LPL: variants seen among roughly 807,000 people sequenced by gnomAD.
LPL encodes the protein phospholipase A1.
A neutral mutation model predicts 52.2 loss-of-function variants in LPL; 43 were observed. The observed-to-expected ratio is 0.82, with a 90% confidence interval of 0.64 to 1.06. The LOEUF (loss-of-function observed/expected upper bound fraction) is 1.06, where lower values mean the gene tolerates loss of function less well. Among genes scored for constraint, LPL ranks in the 50% least tolerant of loss-of-function variants. LPL has a pLI of 0.00. For synonymous variants in LPL, 244 were observed against 215.6 expected, an observed-to-expected ratio of 1.13 and a Z score of -1.15; for missense variants, 639 against 585.3, an observed-to-expected ratio of 1.09 and a Z score of -0.95.
chr8:19,962,222 G>A lies in LPL; in HGVS notation c.1427+3G>A, dbSNP rs753344750. The A allele has an allele frequency of 6.8e-6, 11 of 1,612,040 alleles. No homozygotes were observed. In the South Asian group the frequency reaches 1.2e-4, roughly 18 times the overall value. On this transcript the variant is annotated splice_donor_region_variant and intron_variant, in intron 9 of 9. Coordinates refer to ENST00000650287, the MANE Select transcript of LPL (RefSeq NM_000237.3). ...TCTCTGAATAAGAAGTCAGGCTGGT[G>A]AGCATTCTGGGCTAAAGCTGACTGG... is the stretch of plus-strand genomic sequence containing the variant.
intron 1 of LPL, among the ~76,000 whole-genome samples, chr8:19,941,876 C>T (rs971563861): frequency 2.6e-5 from 4 of 152,186 alleles, no homozygotes; most frequent in Admixed American, 1.3e-4. Flanking sequence ...TCAGGCACTT[C>T]GTCCTGGGAG....
Position 19,939,393 on chromosome 8 carries a change from A to G in LPL, c.-48A>G. ...CTCCAGCCTCCGGCTCAGCCGGCTC[A>G]TCAGTCGGTCCGCGCCTTGCAGCTC... On this transcript the variant is annotated 5_prime_UTR_variant, in exon 1 of 10. Coordinates refer to ENST00000650287, the MANE Select transcript of LPL (RefSeq NM_000237.3). The surrounding 1 kb of genome is among the most constrained non-coding windows in gnomAD (Gnocchi z 4.0). 1.3e-6 allele frequency: 2 copies of G among 1,554,252 alleles called. No individual in the cohort carries two copies. The highest frequency in any genetic ancestry group is 1.7e-6 in the Non-Finnish European group (2 of 1,146,148).
chr8:19,939,255 C>T lies in LPL; in HGVS notation c.-186C>T. The T allele has an allele frequency of 1.6e-6, 1 of 611,856 alleles. No homozygotes were observed. The highest frequency in any genetic ancestry group is 1.9e-5 in the South Asian group (1 of 52,162). The allele number at this position is 611,856 out of a possible 1,614,324, so 37.9% of individuals were successfully genotyped here. On this transcript the variant is annotated 5_prime_UTR_variant, in exon 1 of 10. Coordinates refer to ENST00000650287, the MANE Select transcript of LPL (RefSeq NM_000237.3). The surrounding 1 kb of genome is among the most constrained non-coding windows in gnomAD (Gnocchi z 4.0). ...AGCAGCCTTGGCGTGAAAACAGTGT[C>T]AGACTCGATTCCCCCTCTTCCTCCT... is the stretch of plus-strand genomic sequence containing the variant.
intron 1 of LPL, among the ~76,000 whole-genome samples, chr8:19,946,968 G>A (rs886629210): frequency 1.3e-5 from 2 of 152,166 alleles, no homozygotes; most frequent in African/African-American, 4.8e-5. Context: ...TCAACAACAA[G>A]GTTTGCTGTG....
intron 9 of LPL, 99 bp from the exon 10 acceptor site, chr8:19,965,211 T>G (rs1041987776): frequency 1.3e-6 from 1 of 760,138 alleles, no homozygotes; most frequent in African/African-American, 1.7e-5. Flanking sequence ...GAAATTCCAT[T>G]TGAAGGCTTT....
In LPL at chr8:19,959,777, C is replaced by CTTTTT. The variant is rs71205952; in HGVS notation, c.1139+422_1139+426dup. ...AGAAGTCCATGACAAAGTGTTAGCT[C>CTTTTT]TTTTTTTTTTTTTTTTTTTTTTTTT... On this transcript the variant is annotated intron_variant, in intron 7 of 9. Transcript: ENST00000650287. 1.2e-3 allele frequency among the ~76,000 whole-genome samples: 77 copies of CTTTTT among 65,132 alleles called. 10 individuals are homozygous for CTTTTT. The highest frequency in any genetic ancestry group is 3.4e-3 in the African/African-American group (51 of 15,152). 42.7% of individuals were successfully genotyped at this position (65,132 alleles called of 152,430 possible).
intron 1 of LPL, among the ~76,000 whole-genome samples, chr8:19,940,652 A>G (rs908129671): frequency 4.0e-4 from 61 of 152,386 alleles, no homozygotes; most frequent in African/African-American, 1.4e-3. Flanking sequence ...TGGAATTGCA[A>G]TTAGGGCGGT....
chr8:19,948,512 G>A (rs560062152), intron 2 of LPL, 172 bp downstream of exon 2: 15 of 719,270 alleles, frequency 2.1e-5, no homozygotes, highest in Middle Eastern at 4.1e-4. Flanking sequence ...ACAGGTTCAT[G>A]AGAACTCCCC....
At chr8:19,942,893 G>C (rs1282842461) in intron 1 of LPL, among the ~76,000 whole-genome samples, 1 of 152,206 alleles carries the variant, frequency 6.6e-6, no homozygotes, top group Non-Finnish European at 1.5e-5. Flanking sequence ...AGTTCTGCCG[G>C]AAGTGAGCCT....
intron 9 of LPL, among the ~76,000 whole-genome samples, chr8:19,963,921 G>A (rs1203245353): frequency 1.3e-5 from 2 of 151,922 alleles, no homozygotes; most frequent in African/African-American, 2.4e-5. Flanking sequence ...TTCTTAGAAA[G>A]AGACTTTTAG....
intron 6 of LPL, among the ~76,000 whole-genome samples, chr8:19,958,936 G>A (rs913736759): frequency 1.3e-5 from 2 of 152,334 alleles, no homozygotes. Context: ...CATCATGAGT[G>A]TTTTGGCCTT....
chr8:19,951,076 G>A (rs1051799670), intron 2 of LPL, among the ~76,000 whole-genome samples: 2 of 152,258 alleles, frequency 1.3e-5, no homozygotes, highest in East Asian at 3.9e-4. Flanking sequence ...CACAGACGAA[G>A]GGAAATGAGG....
intron 9 of LPL, among the ~76,000 whole-genome samples, chr8:19,964,336 T>C (rs2070067364): frequency 1.3e-5 from 2 of 152,164 alleles, no homozygotes; most frequent in African/African-American, 2.4e-5. Context: ...TAAATCTACA[T>C]GTGAATGTGA....
At chr8:19,948,482 C>A in intron 2 of LPL, 142 bp downstream of exon 2, 1 of 995,588 alleles carries the variant, frequency 1.0e-6, no homozygotes, top group Non-Finnish European at 1.5e-6. Context: ...ACAGTTCTGG[C>A]TCAGGTGGGA....
At chr8:19,942,153 T>C (rs1454990613) in intron 1 of LPL, among the ~76,000 whole-genome samples, 1 of 152,148 alleles carries the variant, frequency 6.6e-6, no homozygotes, top group Non-Finnish European at 1.5e-5. Flanking sequence ...TTTCGCTTTC[T>C]TTCAGCAGCT....
Position 19,944,324 on chromosome 8 carries a change from G to C in LPL, c.89-3856G>C, listed in dbSNP as rs1057250874. ...TATTGATGTTTTTCTTCACCAAATCGACCACATCAGTAATTCACTTTGTTC... is the reference window on the plus strand; with the variant it reads ...TATTGATGTTTTTCTTCACCAAATCCACCACATCAGTAATTCACTTTGTTC... On this transcript the variant is annotated intron_variant, in intron 1 of 9. Transcript: ENST00000650287. The surrounding 1 kb of genome is among the most constrained non-coding windows in gnomAD (Gnocchi z 4.2). Among the ~76,000 whole-genome samples, 1 of 151,888 alleles carries C rather than the reference G, an allele frequency of 6.6e-6. No individual in the cohort carries two copies. Among genetic ancestry groups the C allele is most frequent in the South Asian group, 2.1e-4 (1 of 4,818 alleles).
chr8:19,954,253 A>G lies in LPL; in HGVS notation c.675A>G (p.Lys225=). ...GSPGRSIGIQ[K]PVGHVDIYPN... ...CTGGTCGAAGCATTGGAATCCAGAA[A>G]CCAGTTGGGCATGTTGACATTTACC... Residue 225 remains lysine, a synonymous_variant, in exon 5 of 10, where the codon AAA becomes AAG. Transcript: ENST00000650287. 1 of 1,614,190 alleles carries G rather than the reference A, an allele frequency of 6.2e-7. No individual in the cohort carries two copies. The highest frequency in any genetic ancestry group is 8.5e-7 in the Non-Finnish European group (1 of 1,180,034).
intron 9 of LPL, among the ~76,000 whole-genome samples, chr8:19,965,008 C>A (rs1368908007): frequency 6.6e-6 from 1 of 152,154 alleles, no homozygotes; most frequent in Non-Finnish European, 1.5e-5. Context: ...ATGGAACAGG[C>A]CTTTCGTTTG....
At chr8:19,951,729 T>C in intron 2 of LPL, 40 bp from the exon 3 acceptor site, 1 of 1,609,054 alleles carries the variant, frequency 6.2e-7, no homozygotes. Context: ...TGACAAGTGG[T>C]AGGTGGGTAT....
Sources: allele counts gnomAD v4.1 joint callset (sites outside exome capture counted in the v4.1 genomes callset), GRCh38; gene constraint gnomAD v4.1.1; non-coding constraint Gnocchi (gnomAD v3.1); transcripts MANE v1.5; gene names NCBI Gene and HGNC (gene_info 2026-07-23, HGNC 2026-07-21).